The following PIP4K2C variants were observed in gnomAD, a reference collection of about 807,000 sequenced individuals.
The protein encoded by PIP4K2C is phosphatidylinositol-5-phosphate 4-kinase type 2 gamma.
PIP4K2C carries 21 observed loss-of-function variants against 45.0 expected under a neutral mutation model. That is an observed-to-expected ratio of 0.47 (90% confidence interval 0.33 to 0.67). PIP4K2C has a LOEUF of 0.67. Among genes scored for constraint, PIP4K2C ranks in the 30% least tolerant of loss-of-function variants. The pLI, the probability that PIP4K2C is intolerant of heterozygous loss-of-function variation, is 0.02. For synonymous variants in PIP4K2C, 201 were observed against 204.8 expected, an observed-to-expected ratio of 0.98 and a Z score of 0.16; for missense variants, 456 against 542.8, an observed-to-expected ratio of 0.84 and a Z score of 1.59.
rs1882929560 is a variant in PIP4K2C at position 57,591,200 on chromosome 12, G to A, written c.-90G>A. Reference sequence around the variant, plus strand: ...TCCGCTGTCCGGCCTCCGGTCACGTGACAGCAGCGCAGGTGAGCGCCGCTT... The same window carrying A: ...TCCGCTGTCCGGCCTCCGGTCACGTAACAGCAGCGCAGGTGAGCGCCGCTT... On this transcript the variant is annotated 5_prime_UTR_variant, in exon 1 of 10. Coordinates refer to ENST00000354947, the MANE Select transcript of PIP4K2C (RefSeq NM_024779.5). The A allele has an allele frequency of 1.4e-6, 2 of 1,383,062 alleles. No individual in the cohort carries two copies. The highest frequency in any genetic ancestry group is 2.0e-6 in the Non-Finnish European group (2 of 1,014,784). 85.7% of individuals were successfully genotyped at this position (1,383,062 alleles called of 1,614,324 possible). A position where few individuals can be genotyped will look rare whatever the true frequency, so the allele number is the denominator to read the frequency against.
chr12:57,594,061 C>A lies in PIP4K2C; in HGVS notation c.211C>A (p.Leu71Met), dbSNP rs1883088904. The change falls in exon 2 of 10, where the codon CTG becomes ATG. Residue 71 changes from leucine to methionine, a missense_variant. Leu to Met is a conservative substitution (Grantham distance 15). Around this residue, in one of 2 missense-constraint regions of PIP4K2C, gnomAD observed 421 missense variants for 473.1 expected, o/e 0.89. Transcript: ENST00000354947. ...ELSQVPPPVM[L>M]LPDDFKASSK... ...CAGCCAGGTGCCTCCCCCGGTGATG[C>A]TGCTGCCAGATGACTTTAAGGCCAG... 3 of 1,613,952 alleles carry A rather than the reference C, an allele frequency of 1.9e-6. No homozygotes were observed. The highest frequency in any genetic ancestry group is 2.5e-6 in the Non-Finnish European group (3 of 1,179,996).
At chr12:57,593,675 G>GTTTTTTTTTTTTTTTTTTT (rs56900742) in intron 1 of PIP4K2C, among the ~76,000 whole-genome samples, 1 of 64,042 alleles carries the variant, frequency 1.6e-5, no homozygotes, top group Admixed American at 2.2e-4. Flanking sequence ...AGCTTGCAGA[G>GTTTTTTTTTTTTTTTTTTT]TTTTTTTTTT....
In PIP4K2C at chr12:57,599,196, G is replaced by A; in HGVS notation, c.645G>A (p.Arg215=). The part of the protein sequence containing the change: ...NMFSHRLPVH[R]KYDLKGSLVS... Reference sequence around the variant, plus strand: ...TTAGCCACCGTCTTCCTGTGCACAGGAAGTATGACCTCAAGGTAAGAAGAG... The same window carrying A: ...TTAGCCACCGTCTTCCTGTGCACAGAAAGTATGACCTCAAGGTAAGAAGAG... Residue 215 remains arginine (R), a synonymous_variant, in exon 5 of 10, where the codon AGG becomes AGA. Transcript: ENST00000354947. 1 of 1,614,200 alleles carries A rather than the reference G, an allele frequency of 6.2e-7. No individual in the cohort carries two copies. The highest frequency in any genetic ancestry group is 8.5e-7 in the Non-Finnish European group (1 of 1,180,034).
intron 4 of PIP4K2C, 123 bp downstream of exon 4, chr12:57,596,154 TCCAG>T: frequency 8.0e-7 from 1 of 1,244,488 alleles, no homozygotes; most frequent in South Asian, 1.4e-5. Flanking sequence ...CATAATCATA[TCCAG>T]CCCTAAATGG....
At chr12:57,593,194 T>C (rs1021191292) in intron 1 of PIP4K2C, among the ~76,000 whole-genome samples, 11 of 152,090 alleles carry the variant, frequency 7.2e-5, no homozygotes, top group Admixed American at 3.3e-4. Flanking sequence ...CATAAACTAG[T>C]GATTAGAGTC....
chr12:57,601,370 T>A (rs780799827), intron 9 of PIP4K2C, 22 bp downstream of exon 9: 1 of 1,589,390 alleles, frequency 6.3e-7, no homozygotes, highest in Admixed American at 1.7e-5. Flanking sequence ...CAAAAGCCTT[T>A]CCTTTCCTGT....
At chr12:57,596,087 C>T in intron 4 of PIP4K2C, 56 bp downstream of exon 4, 1 of 1,551,306 alleles carries the variant, frequency 6.4e-7, no homozygotes, top group African/African-American at 1.4e-5. Flanking sequence ...ACATATAGCT[C>T]AGCTATTGTC....
chr12:57,593,579 T>C (rs1883053818), intron 1 of PIP4K2C, among the ~76,000 whole-genome samples: 2 of 151,976 alleles, frequency 1.3e-5, no homozygotes, highest in Non-Finnish European at 2.9e-5. Flanking sequence ...TTGCTGTGGT[T>C]GGCCCCACAG....
chr12:57,595,433 T>C (rs1883147452), intron 3 of PIP4K2C, among the ~76,000 whole-genome samples: 1 of 152,150 alleles, frequency 6.6e-6, no homozygotes, highest in African/African-American at 2.4e-5. Context: ...GGCCAGGCGC[T>C]GTGGCTCACG....
chr12:57,595,332 T>C, intron 3 of PIP4K2C, 110 bp downstream of exon 3: 1 of 759,596 alleles, frequency 1.3e-6, no homozygotes, highest in South Asian at 1.6e-5. Flanking sequence ...TATAATTCTT[T>C]ACCTTTTTGT....
chr12:57,591,211 A>T lies in PIP4K2C; in HGVS notation c.-79A>T. ...GCCTCCGGTCACGTGACAGCAGCGC[A>T]GGTGAGCGCCGCTTCCGGGGTCGGG... On this transcript the variant is annotated 5_prime_UTR_variant, in exon 1 of 10. Coordinates refer to ENST00000354947, the MANE Select transcript of PIP4K2C (RefSeq NM_024779.5). The T allele has an allele frequency of 1.8e-5, 25 of 1,395,992 alleles. 1 individual carries two copies. In the South Asian group the frequency reaches 3.2e-4, roughly 18 times the overall value. The allele number at this position is 1,395,992 out of a possible 1,614,324, so 86.5% of individuals were successfully genotyped here.
At position 57,601,388 on chromosome 12, in the gene PIP4K2C, A is replaced by G. The variant is rs377089363; in HGVS notation, c.1185+40A>G. 6.0e-4 allele frequency: 936 copies of G among 1,570,106 alleles called. 12 individuals carry two copies. In the South Asian group the frequency reaches 7.9e-3, roughly 13 times the overall value. ...AAGCCTTTCCTTTCCTGTCTTGACT[A>G]TTCTTTGGGAATAGAGTCTCTTGTG... On this transcript the variant is annotated intron_variant, in intron 9 of 9. Coordinates refer to ENST00000354947, the MANE Select transcript of PIP4K2C (RefSeq NM_024779.5).
At chr12:57,591,773 G>C (rs1438134639) in intron 1 of PIP4K2C, among the ~76,000 whole-genome samples, 1 of 152,194 alleles carries the variant, frequency 6.6e-6, no homozygotes, top group Non-Finnish European at 1.5e-5. Context: ...GGCCAGGACC[G>C]GGCGCAAGCG....
intron 8 of PIP4K2C, 41 bp downstream of exon 8, chr12:57,601,119 T>C (rs1292268184): frequency 3.1e-6 from 5 of 1,606,812 alleles, no homozygotes; most frequent in Non-Finnish European, 4.3e-6. Context: ...GAGGGGATTT[T>C]TCCTGGAGGA....
Position 57,591,252 on chromosome 12 carries a change from C to A in PIP4K2C, c.-38C>A, listed in dbSNP as rs758870417. 13 of 1,568,864 alleles carry A rather than the reference C, an allele frequency of 8.3e-6. No individual in the cohort carries two copies. Among genetic ancestry groups the A allele is most frequent in the Non-Finnish European group, 1.1e-5 (13 of 1,153,108 alleles). On this transcript the variant is annotated 5_prime_UTR_variant, in exon 1 of 10. Transcript: ENST00000354947. ...CGGGGTCGGGCGCCTGGATAGCTGC[C>A]GGCTCCGGCTTCCACTTGGTCGGTT...
At chr12:57,591,607 G>T in intron 1 of PIP4K2C, 144 bp downstream of exon 1, 1 of 896,310 alleles carries the variant, frequency 1.1e-6, no homozygotes, top group East Asian at 3.0e-5. Flanking sequence ...ACCAACCCCA[G>T]GTGTTCCCCC....
chr12:57,601,610 A>G lies in PIP4K2C; in HGVS notation c.*4A>G. 2 of 1,601,170 alleles carry G rather than the reference A, an allele frequency of 1.2e-6. No homozygotes were observed. The highest frequency in any genetic ancestry group is 1.7e-6 in the Non-Finnish European group (2 of 1,168,268). On this transcript the variant is annotated 3_prime_UTR_variant, in exon 10 of 10. Coordinates refer to ENST00000354947, the MANE Select transcript of PIP4K2C (RefSeq NM_024779.5). ...TATTACCAACATCTTTGCCTAAGAGACTGCCTGGTTCTCTCTGATGTTCAA... is the reference window on the plus strand; with the variant it reads ...TATTACCAACATCTTTGCCTAAGAGGCTGCCTGGTTCTCTCTGATGTTCAA...
intron 1 of PIP4K2C, among the ~76,000 whole-genome samples, chr12:57,593,799 G>T (rs552262178): frequency 6.6e-6 from 1 of 151,242 alleles, no homozygotes; most frequent in South Asian, 2.1e-4. Context: ...AGTTCCATGG[G>T]GGTGGGCGTG....
At chr12:57,595,525 C>T (rs1169267134) in intron 3 of PIP4K2C, among the ~76,000 whole-genome samples, 3 of 151,904 alleles carry the variant, frequency 2.0e-5, no homozygotes, top group Non-Finnish European at 2.9e-5. Context: ...GCCAACATGG[C>T]AAAACCCTGT....
Sources: allele counts gnomAD v4.1 joint callset (sites outside exome capture counted in the v4.1 genomes callset), GRCh38; gene constraint gnomAD v4.1.1; regional missense constraint gnomAD v4.1.1; transcripts MANE v1.5; gene names NCBI Gene and HGNC (gene_info 2026-07-23, HGNC 2026-07-21).